CNOT4: variants seen among roughly 807,000 people sequenced by gnomAD.
CNOT4 encodes the protein CCR4-NOT transcription complex subunit 4, also known as CCR4-associated factor 4.
Under a neutral mutation model 73.8 loss-of-function variants are expected in CNOT4, and 8 were observed. That is an observed-to-expected ratio of 0.11 (90% confidence interval 0.06 to 0.20). CNOT4 has a LOEUF of 0.20. Ranked by LOEUF, CNOT4 falls within the 10% of genes least tolerant of loss-of-function variation. The pLI, the probability that CNOT4 is intolerant of heterozygous loss-of-function variation, is 1.00. For missense variants in CNOT4, 564 were observed against 883.4 expected, an observed-to-expected ratio of 0.64 and a Z score of 4.58; for synonymous variants, 293 against 321.1, an observed-to-expected ratio of 0.91 and a Z score of 0.94.
intron 2 of CNOT4, among the ~76,000 whole-genome samples, chr7:135,433,577 C>G (rs1384295177): frequency 6.6e-6 from 1 of 151,958 alleles, no homozygotes; most frequent in Non-Finnish European, 1.5e-5. Context: ...AGGCTGGTCT[C>G]AAACTCCTAA....
intron 1 of CNOT4, among the ~76,000 whole-genome samples, chr7:135,479,277 C>T (rs1022078649): frequency 1.6e-5 from 2 of 122,382 alleles, no homozygotes; most frequent in Non-Finnish European, 3.2e-5. Flanking sequence ...AGTGTGATCT[C>T]GGCTCACTGC....
rs141192409 is a variant in CNOT4 at position 135,419,103 on chromosome 7, A to AAAT, written c.372+3052_372+3053insATT. The stretch of plus-strand genomic sequence containing the variant: ...TAGGACTTAGAAGGTGATCATCATT[A>AAAT]CCTCTATCGTTGGCTCTAATTACCT... On this transcript the variant is annotated intron_variant, in intron 3 of 11. Transcript: ENST00000541284. Among the ~76,000 whole-genome samples the AAAT allele has an allele frequency of 2.2e-3, 340 of 152,272 alleles. 12 individuals are homozygous for AAAT. In the East Asian group the frequency reaches 0.054, roughly 24 times the overall value.
At chr7:135,491,229 C>T (rs1384985879) in intron 1 of CNOT4, among the ~76,000 whole-genome samples, 1 of 152,098 alleles carries the variant, frequency 6.6e-6, no homozygotes, top group African/African-American at 2.4e-5. Flanking sequence ...GAGATCTGGG[C>T]TGAAAAAATT....
rs536799280 is a variant in CNOT4 at position 135,509,928 on chromosome 7, G to A, written c.-132C>T. Reference sequence around the variant, plus strand: ...TCGCTTTTCCCTCAGCCGACTCCACGGGCTGCCGCGTCCTCACAAGAAACC... The same window carrying A: ...TCGCTTTTCCCTCAGCCGACTCCACAGGCTGCCGCGTCCTCACAAGAAACC... On this transcript the variant is annotated 5_prime_UTR_variant, in exon 1 of 12. Transcript: ENST00000541284. 251 of 398,308 alleles carry A rather than the reference G, an allele frequency of 6.3e-4. 1 individual carries two copies. Among genetic ancestry groups the A allele is most frequent in the African/African-American group, 4.7e-3 (231 of 48,692 alleles). 24.7% of individuals were successfully genotyped at this position (398,308 alleles called of 1,614,324 possible).
intron 1 of CNOT4, among the ~76,000 whole-genome samples, chr7:135,505,890 A>C (rs968068481): frequency 1.3e-5 from 2 of 152,192 alleles, no homozygotes; most frequent in Non-Finnish European, 2.9e-5. Flanking sequence ...TTACCACATA[A>C]TCTTTTCTAA....
chr7:135,407,340 A>G (rs2129483924), intron 7 of CNOT4, among the ~76,000 whole-genome samples: 1 of 152,374 alleles, frequency 6.6e-6, no homozygotes. Context: ...TGCCAAAGAT[A>G]CTTTTGGTAA....
chr7:135,440,712 G>A (rs1799425355), intron 1 of CNOT4, among the ~76,000 whole-genome samples: 1 of 152,154 alleles, frequency 6.6e-6, no homozygotes, highest in Non-Finnish European at 1.5e-5. Context: ...ACGAGGTCAA[G>A]AGAGCAAGAC....
At chr7:135,495,766 T>C (rs1023999808) in intron 1 of CNOT4, among the ~76,000 whole-genome samples, 3 of 119,694 alleles carry the variant, frequency 2.5e-5, no homozygotes, top group Admixed American at 2.5e-4. Flanking sequence ...AAGAAAGAAA[T>C]TTAAGAACAT....
chr7:135,431,525 C>T (rs1021638534), intron 2 of CNOT4, among the ~76,000 whole-genome samples: 3 of 151,970 alleles, frequency 2.0e-5, no homozygotes, highest in African/African-American at 4.8e-5. Flanking sequence ...GGGTGGATCA[C>T]GAGGTCAGGA....
intron 10 of CNOT4, among the ~76,000 whole-genome samples, chr7:135,370,012 T>C (rs564322055): frequency 8.9e-4 from 135 of 152,314 alleles, no homozygotes; most frequent in African/African-American, 3.1e-3. Context: ...AACTAAAATA[T>C]GCAGAGAAAA....
At chr7:135,391,700 C>A (rs1796410631) in intron 10 of CNOT4, among the ~76,000 whole-genome samples, 1 of 152,024 alleles carries the variant, frequency 6.6e-6, no homozygotes, top group South Asian at 2.1e-4. Context: ...ACTAAACTCA[C>A]TAATCAGCGA....
chr7:135,362,578 A>C lies in CNOT4; in HGVS notation c.*307T>G. On this transcript the variant is annotated 3_prime_UTR_variant, in exon 12 of 12. Coordinates refer to ENST00000541284, the MANE Select transcript of CNOT4 (RefSeq NM_001190850.2). The stretch of plus-strand genomic sequence containing the variant: ...AGATTATGTCATTATTATGCGCAAC[A>C]GACAAACAATAATTTTCTAAGTATT... 2.0e-6 allele frequency: 1 copy of C among 488,930 alleles called. No homozygotes were observed. Among genetic ancestry groups the C allele is most frequent in the Non-Finnish European group, 3.7e-6 (1 of 268,440 alleles). The allele number at this position is 488,930 out of a possible 1,614,324, so 30.3% of individuals were successfully genotyped here.
intron 1 of CNOT4, among the ~76,000 whole-genome samples, chr7:135,461,459 A>G (rs1292922166): frequency 2.0e-5 from 3 of 152,282 alleles, no homozygotes; most frequent in Non-Finnish European, 4.4e-5. Flanking sequence ...CCTCACAGCT[A>G]CAGGAATAAA....
At chr7:135,386,128 C>T (rs1796106955) in intron 10 of CNOT4, 2 of 149,682 alleles carry the variant, frequency 1.3e-5, no homozygotes, top group African/African-American at 2.5e-5. Context: ...TAAAGTGGCA[C>T]TAAAAACATT....
chr7:135,426,615 AAAAG>A (rs1342035870), intron 2 of CNOT4, among the ~76,000 whole-genome samples: 7 of 150,948 alleles, frequency 4.6e-5, no homozygotes, highest in East Asian at 3.9e-4. Context: ...AAAAAAAAAA[AAAAG>A]AAAGAAAGAA....
chr7:135,428,772 T>A (rs937624041), intron 2 of CNOT4, among the ~76,000 whole-genome samples: 1 of 152,066 alleles, frequency 6.6e-6, no homozygotes, highest in Non-Finnish European at 1.5e-5. Flanking sequence ...AGAAAAAAGG[T>A]TGTATCTGAA....
At chr7:135,489,391 CTTTTTTTTT>C (rs71174525) in intron 1 of CNOT4, among the ~76,000 whole-genome samples, 2 of 84,746 alleles carry the variant, frequency 2.4e-5, no homozygotes, top group Non-Finnish European at 4.5e-5. Context: ...AGTCACATTT[CTTTTTTTTT>C]TTTTTTTTTT....
At chr7:135,436,271 T>G (rs1799148880) in intron 2 of CNOT4, among the ~76,000 whole-genome samples, 1 of 152,064 alleles carries the variant, frequency 6.6e-6, no homozygotes, top group Admixed American at 6.5e-5. Context: ...ACTTTCTTTG[T>G]AATTTCCCCA....
intron 10 of CNOT4, among the ~76,000 whole-genome samples, chr7:135,374,389 TTTG>T (rs1224631213): frequency 2.1e-5 from 2 of 95,836 alleles, no homozygotes; most frequent in African/African-American, 7.4e-5. Context: ...TCTGGTAAAA[TTTG>T]CTGATGATTC....
Sources: allele counts gnomAD v4.1 joint callset (sites outside exome capture counted in the v4.1 genomes callset), GRCh38; gene constraint gnomAD v4.1.1; transcripts MANE v1.5; gene names NCBI Gene and HGNC (gene_info 2026-07-23, HGNC 2026-07-21).